Variants in FRMD4B observed in about 807,000 individuals in gnomAD.
The protein encoded by FRMD4B is FERM domain containing 4B.
In FRMD4B, 74 loss-of-function variants were observed where a neutral mutation model predicts 141.5. That is an observed-to-expected ratio of 0.52 (90% CI 0.43 to 0.63). FRMD4B has a LOEUF of 0.63. Among genes scored for constraint, FRMD4B ranks in the 30% least tolerant of loss-of-function variants. The pLI is 0.00. For synonymous variants in FRMD4B, 506 were observed against 467.9 expected (o/e 1.08, Z -1.05); for missense variants, 1,366 against 1,253.4 (o/e 1.09, Z -1.36).
intron 1 of FRMD4B, among the ~76,000 whole-genome samples, chr3:69,508,726 T>C (rs1038299403): frequency 2.6e-5 from 4 of 152,022 alleles, no homozygotes; most frequent in African/African-American, 7.2e-5. Context: ...TAAGAATAGG[T>C]TGCATTATCT....
At chr3:69,333,181 G>GA (rs1304073521) in intron 1 of FRMD4B, among the ~76,000 whole-genome samples, 2 of 151,966 alleles carry the variant, frequency 1.3e-5, no homozygotes, top group African/African-American at 4.8e-5. Flanking sequence ...TGCAGTCAAT[G>GA]AAAAAAATAC....
At chr3:69,237,466 C>G (rs1042729077) in intron 7 of FRMD4B, among the ~76,000 whole-genome samples, 2 of 152,212 alleles carry the variant, frequency 1.3e-5, no homozygotes, top group African/African-American at 4.8e-5. Flanking sequence ...GGGATGCCTC[C>G]CACTGTTTCT....
chr3:69,451,765 A>G (rs1447750302), intron 1 of FRMD4B, among the ~76,000 whole-genome samples: 1 of 152,208 alleles, frequency 6.6e-6, no homozygotes, highest in Non-Finnish European at 1.5e-5. Flanking sequence ...TGAAAAAATT[A>G]TGCCAAGATA....
intron 1 of FRMD4B, among the ~76,000 whole-genome samples, chr3:69,379,836 A>G (rs1469289607): frequency 6.6e-6 from 1 of 152,252 alleles, no homozygotes; most frequent in Non-Finnish European, 1.5e-5. Context: ...GCAGCTGTAG[A>G]CAACATGTAA....
chr3:69,339,312 C>G (rs1031250564), intron 1 of FRMD4B, among the ~76,000 whole-genome samples: 2 of 152,162 alleles, frequency 1.3e-5, no homozygotes, highest in African/African-American at 4.8e-5. Flanking sequence ...GGAGGCGACA[C>G]AGTGGAGAGT....
chr3:69,246,502 T>C (rs2093426735), intron 7 of FRMD4B, among the ~76,000 whole-genome samples: 1 of 151,932 alleles, frequency 6.6e-6, no homozygotes, highest in Non-Finnish European at 1.5e-5. Flanking sequence ...AAAGAGGAGT[T>C]TTAGAACAAA....
chr3:69,181,898 G>C (rs2107597462), intron 20 of FRMD4B, among the ~76,000 whole-genome samples, 188 bp from the exon 21 acceptor site: 1 of 152,140 alleles, frequency 6.6e-6, no homozygotes, highest in African/African-American at 2.4e-5. Context: ...GGTTCATTTT[G>C]ACCATGGTCA....
chr3:69,223,981 T>A (rs13073189), intron 8 of FRMD4B, among the ~76,000 whole-genome samples: 17,785 of 152,240 alleles, frequency 0.12, 1,146 homozygotes, highest in African/African-American at 0.17. Flanking sequence ...CAATATTGAA[T>A]ATCTATTTTG....
upstream of FRMD4B, among the ~76,000 whole-genome samples, chr3:69,388,563 G>A (rs955886935): frequency 6.6e-6 from 1 of 152,098 alleles, no homozygotes; most frequent in African/African-American, 2.4e-5. Flanking sequence ...TCTTCTAAAA[G>A]AGACCCACCC....
At chr3:69,471,212 A>G (rs1705884500) in intron 1 of FRMD4B, among the ~76,000 whole-genome samples, 1 of 152,168 alleles carries the variant, frequency 6.6e-6, no homozygotes. Context: ...TTGTAATCAA[A>G]TAGACCGGGC....
intron 1 of FRMD4B, among the ~76,000 whole-genome samples, chr3:69,469,918 A>C (rs1281105148): frequency 6.6e-6 from 1 of 152,190 alleles, no homozygotes; most frequent in African/African-American, 2.4e-5. Flanking sequence ...TTATAATTTC[A>C]CCAAATTGCT....
chr3:69,481,487 T>A (rs970473384), intron 1 of FRMD4B, among the ~76,000 whole-genome samples: 11 of 152,106 alleles, frequency 7.2e-5, no homozygotes, highest in Non-Finnish European at 1.6e-4. Flanking sequence ...TGAAAATCCC[T>A]CAGTAAAAAA....
chr3:69,210,332 T>G (rs538364548), intron 11 of FRMD4B, among the ~76,000 whole-genome samples: 48 of 152,326 alleles, frequency 3.2e-4, no homozygotes, highest in African/African-American at 1.1e-3. Flanking sequence ...GCTCAGTCTC[T>G]GACCCACTGT....
intron 7 of FRMD4B, among the ~76,000 whole-genome samples, chr3:69,246,433 T>A (rs1301050864): frequency 6.6e-6 from 1 of 152,090 alleles, no homozygotes; most frequent in Non-Finnish European, 1.5e-5. Flanking sequence ...CCAGCCTGGG[T>A]GAGAGAACAA....
In FRMD4B at chr3:69,475,360, C is replaced by A. The variant is rs896609707; in HGVS notation, c.-128-42599G>T. ...TCCTAATGCTATCCCTCCCCCTTCC[C>A]CCCACCCCACAACAGTCCCCAGAGT... On this transcript the variant is annotated intron_variant, in intron 1 of 5. Coordinates refer to the FRMD4B transcript ENST00000459638. Among the ~76,000 whole-genome samples, 64 of 151,686 alleles carry A rather than the reference C, an allele frequency of 4.2e-4. 2 individuals are homozygous for A. The highest frequency in any genetic ancestry group is 6.8e-3 in the Middle Eastern group (2 of 292).
chr3:69,265,272 ATAT>A (rs2093554955), intron 5 of FRMD4B, among the ~76,000 whole-genome samples: 13 of 16,186 alleles, frequency 8.0e-4, no homozygotes, highest in African/African-American at 3.1e-3. Flanking sequence ...AAAAAAAAAT[ATAT>A]ATATATATAT....
intron 1 of FRMD4B, among the ~76,000 whole-genome samples, chr3:69,475,307 T>G (rs1575815592): frequency 6.6e-6 from 1 of 152,194 alleles, no homozygotes; most frequent in East Asian, 1.9e-4. Flanking sequence ...CTGCACCCAT[T>G]AACTCGTCAT....
intron 7 of FRMD4B, among the ~76,000 whole-genome samples, chr3:69,226,902 G>C (rs2093259889): frequency 6.6e-6 from 1 of 152,140 alleles, no homozygotes; most frequent in Admixed American, 6.6e-5. Flanking sequence ...TGAAGCTGTT[G>C]TCCTTAGTCC....
chr3:69,193,394 G>A (rs1245021390), intron 17 of FRMD4B, among the ~76,000 whole-genome samples: 5 of 152,162 alleles, frequency 3.3e-5, no homozygotes, highest in African/African-American at 1.2e-4. Flanking sequence ...TGTAACCCCA[G>A]CTACTTGGGA....
Sources: gnomAD v4.1 joint callset for allele counts (sites outside exome capture counted in the v4.1 genomes callset) on GRCh38, gnomAD v4.1.1 for gene constraint, MANE v1.5 for transcripts, NCBI Gene and HGNC (gene_info 2026-07-23, HGNC 2026-07-21) for gene names.